Variants in MRC1 observed in about 807,000 individuals in gnomAD.
The protein encoded by MRC1 is macrophage mannose receptor 1.
MRC1 carries 62 observed loss-of-function variants against 102.9 expected under a neutral mutation model. The observed-to-expected ratio is 0.60, with a 90% confidence interval of 0.49 to 0.74. The LOEUF is 0.74. Ranked by LOEUF, MRC1 falls within the 30% of genes least tolerant of loss-of-function variation. The probability of loss-of-function intolerance (pLI) is 0.00; values close to 1 mark genes in which losing one functional copy is unlikely to be tolerated. For missense variants in MRC1, 1,237 were observed against 862.8 expected (o/e 1.43, Z -5.43); for synonymous variants, 457 against 298.4 (o/e 1.53, Z -5.48).
chr10:17,826,197 CT>C (rs1197941598), intron 2 of MRC1, among the ~76,000 whole-genome samples: 89,896 of 151,454 alleles, frequency 0.59, 27,448 homozygotes, highest in African/African-American at 0.75. Flanking sequence ...ATTTTTCTTC[CT>C]TTTTTTTTAA....
chr10:17,822,331 A>C (rs1239292988), intron 1 of MRC1, among the ~76,000 whole-genome samples: 2 of 152,218 alleles, frequency 1.3e-5, no homozygotes, highest in African/African-American at 4.8e-5. Context: ...ACACTACAAA[A>C]TCCTATTCTA....
intron 1 of MRC1, among the ~76,000 whole-genome samples, chr10:17,813,348 C>T (rs971143274): frequency 2.6e-5 from 4 of 152,156 alleles, no homozygotes; most frequent in Non-Finnish European, 4.4e-5. Context: ...TCCTGATACT[C>T]CTCTATTTCA....
chr10:17,809,707 C>A (rs1838193682), intron 1 of MRC1, among the ~76,000 whole-genome samples, 181 bp downstream of exon 1: 1 of 152,072 alleles, frequency 6.6e-6, no homozygotes, highest in Non-Finnish European at 1.5e-5. Flanking sequence ...CATGGGAGGC[C>A]TGGAGTTGGA....
At chr10:17,832,611 G>A (rs889785009) in intron 3 of MRC1, among the ~76,000 whole-genome samples, 30 of 147,452 alleles carry the variant, frequency 2.0e-4, no homozygotes, top group Non-Finnish European at 3.3e-4. Flanking sequence ...TTTTTGAGAC[G>A]GAGTCTCGCT....
chr10:17,887,493 TGAAA>T (rs1317954128), intron 22 of MRC1, among the ~76,000 whole-genome samples: 2 of 152,222 alleles, frequency 1.3e-5, no homozygotes, highest in Non-Finnish European at 2.9e-5. Flanking sequence ...CAATGAGGGC[TGAAA>T]GACTTACTGA....
intron 5 of MRC1, chr10:17,845,011 G>A: frequency 1.5e-6 from 1 of 675,254 alleles, no homozygotes; most frequent in South Asian, 1.4e-5. Context: ...TTAAGGTGTA[G>A]CTTTATTAGC....
At chr10:17,867,365 C>T (rs1589185620) in intron 12 of MRC1, among the ~76,000 whole-genome samples, 2 of 37,236 alleles carry the variant, frequency 5.4e-5, no homozygotes. Context: ...TCTCCTTCTC[C>T]TTCTTCTTCT....
intron 9 of MRC1, among the ~76,000 whole-genome samples, chr10:17,859,608 G>A (rs2130658071): frequency 6.6e-6 from 1 of 152,256 alleles, no homozygotes; most frequent in South Asian, 2.1e-4. Context: ...GGGAGCCACT[G>A]CGCCTGGCTG....
Position 17,909,365 on chromosome 10 carries a change from T to C in MRC1, c.4120+18T>C. On this transcript the variant is annotated intron_variant, in intron 29 of 29. Transcript: ENST00000569591. ...AACAAAAGGTAAGGCCATTGCAAAA[T>C]TTCAAGTTCTGTGTTAGTAATACAT... 1.2e-6 allele frequency: 1 copy of C among 869,478 alleles called. No homozygotes were observed. The highest frequency in any genetic ancestry group is 2.0e-6 in the Non-Finnish European group (1 of 498,836). 53.9% of individuals were successfully genotyped at this position (869,478 alleles called of 1,614,324 possible). A position where few individuals can be genotyped will look rare whatever the true frequency, so the allele number is the denominator to read the frequency against.
In MRC1 at chr10:17,838,341, A is replaced by T. The variant is rs1052397828; in HGVS notation, c.803-2352A>T. The stretch of plus-strand genomic sequence containing the variant: ...GGCAACACGTTTGCACACTACCCAC[A>T]GCTGTTTTATCGTCTTCCCTTCTGT... On this transcript the variant is annotated intron_variant, in intron 4 of 29. Coordinates refer to ENST00000569591, the MANE Select transcript of MRC1 (RefSeq NM_002438.4). 5.3e-5 allele frequency among the ~76,000 whole-genome samples: 8 copies of T among 152,252 alleles called. No individual in the cohort carries two copies. The East Asian group carries it at 9.7e-4, about 18-fold the overall frequency.
chr10:17,833,607 A>G (rs1165891097), intron 3 of MRC1, 68 bp from the exon 4 acceptor site: 1 of 780,514 alleles, frequency 1.3e-6, no homozygotes, highest in East Asian at 2.4e-5. Context: ...AGGTGGTTTA[A>G]ATAATACTAT....
chr10:17,828,237 T>A (rs1034484446), intron 3 of MRC1, among the ~76,000 whole-genome samples: 2 of 150,502 alleles, frequency 1.3e-5, no homozygotes, highest in South Asian at 2.1e-4. Flanking sequence ...CCACCACGCC[T>A]GGCTAATTTT....
At chr10:17,819,161 C>T (rs1369527092) in intron 1 of MRC1, among the ~76,000 whole-genome samples, 1 of 152,070 alleles carries the variant, frequency 6.6e-6, no homozygotes, top group East Asian at 1.9e-4. Context: ...ATGTGGTGTA[C>T]ATCGCAGGCA....
intron 16 of MRC1, among the ~76,000 whole-genome samples, chr10:17,874,492 C>T (rs1367379571): frequency 6.6e-6 from 1 of 152,152 alleles, no homozygotes; most frequent in Non-Finnish European, 1.5e-5. Context: ...TTAATCATGT[C>T]TATAAAGTCC....
intron 23 of MRC1, among the ~76,000 whole-genome samples, chr10:17,894,879 A>G (rs1010637927): frequency 4.4e-4 from 67 of 152,246 alleles, no homozygotes; most frequent in African/African-American, 1.5e-3. Flanking sequence ...GTACTTTAAA[A>G]TATATAATCA....
intron 1 of MRC1, among the ~76,000 whole-genome samples, chr10:17,819,138 A>G (rs1367310812): frequency 6.6e-6 from 1 of 152,206 alleles, no homozygotes; most frequent in Non-Finnish European, 1.5e-5. Context: ...TATTGAGTGA[A>G]CATTCAACCA....
intron 7 of MRC1, among the ~76,000 whole-genome samples, chr10:17,851,997 A>G (rs1389499631): frequency 6.6e-6 from 1 of 152,238 alleles, no homozygotes; most frequent in Non-Finnish European, 1.5e-5. Context: ...CCACTAAATG[A>G]TCATACATCA....
At chr10:17,814,484 G>A (rs1838275317) in intron 1 of MRC1, among the ~76,000 whole-genome samples, 1 of 152,076 alleles carries the variant, frequency 6.6e-6, no homozygotes. Flanking sequence ...TTACCAGACA[G>A]CATTATTGTC....
At position 17,849,748 on chromosome 10, in the gene MRC1, C is replaced by G; in HGVS notation, c.1233C>G (p.Ile411Met). The G allele has an allele frequency of 1.3e-6, 1 of 780,874 alleles. No individual in the cohort carries two copies. Among genetic ancestry groups the G allele is most frequent in the South Asian group, 1.3e-5 (1 of 74,580 alleles). The allele number at this position is 780,874 out of a possible 1,614,324, so 48.4% of individuals were successfully genotyped here. A position where few individuals can be genotyped will look rare whatever the true frequency, so the allele number is the denominator to read the frequency against. Residue 411 changes from isoleucine (I) to methionine (M), a missense_variant, in exon 7 of 30, where the codon ATC becomes ATG. Coordinates refer to ENST00000569591, the MANE Select transcript of MRC1 (RefSeq NM_002438.4). ...CCATCGAGGAATTGGACTTTATTATCTCCCAGCTAGGATATGGTGAGAAAC... is the reference window on the plus strand; with the variant it reads ...CCATCGAGGAATTGGACTTTATTATGTCCCAGCTAGGATATGGTGAGAAAC... The part of the protein sequence containing the change: ...IHTIEELDFI[I>M]SQLGYEPNDE...
Sources: allele counts gnomAD v4.1 joint callset (sites outside exome capture counted in the v4.1 genomes callset), GRCh38; gene constraint gnomAD v4.1.1; transcripts MANE v1.5; gene names NCBI Gene and HGNC (gene_info 2026-07-23, HGNC 2026-07-21).